Variants in RAD51C observed in about 807,000 individuals in gnomAD.
The protein encoded by RAD51C is DNA repair protein RAD51 homolog 3.
Under a neutral mutation model 45.0 loss-of-function variants are expected in RAD51C, and 42 were observed. The ratio of observed to expected loss-of-function variants is 0.93; its 90% CI spans 0.73 to 1.21. RAD51C has a LOEUF of 1.21. RAD51C is among the 50% of genes most tolerant of loss of function. RAD51C has a pLI of 0.00. For missense variants in RAD51C, 474 were observed against 452.2 expected (o/e 1.05, Z -0.44); for synonymous variants, 172 against 159.8 (o/e 1.08, Z -0.58).
At chr17:58,720,959 T>G in intron 6 of RAD51C, 147 bp downstream of exon 6, 1 of 680,824 alleles carries the variant, frequency 1.5e-6, no homozygotes, top group South Asian at 1.7e-5. Flanking sequence ...CACAGTACCG[T>G]TAGATACTGA....
chr17:58,718,688 G>C (rs534857756), intron 5 of RAD51C, among the ~76,000 whole-genome samples: 1 of 152,232 alleles, frequency 6.6e-6, no homozygotes, highest in South Asian at 2.1e-4. Flanking sequence ...TCATAATTTG[G>C]AGTCATTTGA....
intron 5 of RAD51C, among the ~76,000 whole-genome samples, chr17:58,718,249 C>T (rs569649906): frequency 1.1e-4 from 17 of 152,204 alleles, no homozygotes; most frequent in African/African-American, 3.9e-4. Context: ...CTACCTGCCT[C>T]GGCCTCCCAA....
chr17:58,692,916 A>G, intron 1 of RAD51C, 128 bp downstream of exon 1: 3 of 1,347,336 alleles, frequency 2.2e-6, no homozygotes, highest in Non-Finnish European at 3.1e-6. Flanking sequence ...CCATGTTTAC[A>G]GCGTGAAAGA....
At position 58,724,103 on chromosome 17, in the gene RAD51C, C is replaced by A; in HGVS notation, c.965+3C>A. 1 of 1,609,118 alleles carries A rather than the reference C, an allele frequency of 6.2e-7. No homozygotes were observed. The highest frequency in any genetic ancestry group is 1.1e-5 in the South Asian group (1 of 90,976). ...TTTCATTGGGACCGAAAGCAAAGGT[C>A]AGTACAGAAACAAGTTAATAACTCC... On this transcript the variant is annotated splice_donor_region_variant and intron_variant, in intron 7 of 8. Transcript: ENST00000337432.
intron 4 of RAD51C, among the ~76,000 whole-genome samples, chr17:58,704,138 C>T (rs62081316): frequency 0.18 from 28,027 of 151,666 alleles, 2,756 homozygotes; most frequent in Non-Finnish European, 0.21. Context: ...CTACCCAGTC[C>T]AGTCTTAGCA....
At chr17:58,733,078 C>G (rs1471467604) in intron 8 of RAD51C, among the ~76,000 whole-genome samples, 2 of 151,928 alleles carry the variant, frequency 1.3e-5, no homozygotes, top group Non-Finnish European at 2.9e-5. Flanking sequence ...TGCAGCGGTG[C>G]AATCTTGGCT....
intron 6 of RAD51C, among the ~76,000 whole-genome samples, chr17:58,723,218 A>G (rs2048983194): frequency 6.6e-6 from 1 of 151,996 alleles, no homozygotes; most frequent in African/African-American, 2.4e-5. Context: ...TACCTCACAA[A>G]TTATATCCAC....
At chr17:58,716,845 A>ACTGCAAGCTCTGCCTCC (rs2048756014) in intron 5 of RAD51C, among the ~76,000 whole-genome samples, 1 of 147,968 alleles carries the variant, frequency 6.8e-6, no homozygotes, top group Non-Finnish European at 1.5e-5. Flanking sequence ...ATCTTGGCTC[A>ACTGCAAGCTCTGCCTCC]CTGCAAGCTC....
intron 6 of RAD51C, among the ~76,000 whole-genome samples, chr17:58,723,073 A>C (rs2048977031): frequency 6.6e-6 from 1 of 152,152 alleles, no homozygotes; most frequent in South Asian, 2.1e-4. Flanking sequence ...TGCTGAGTTC[A>C]ACTGCCCTCT....
At chr17:58,722,560 C>T (rs1038298230) in intron 6 of RAD51C, among the ~76,000 whole-genome samples, 2 of 152,162 alleles carry the variant, frequency 1.3e-5, no homozygotes, top group African/African-American at 4.8e-5. Flanking sequence ...AGACTCCAAT[C>T]CCACCATTAG....
rs2048891385 is a variant in RAD51C, at chr17:58,720,776, A to T, written c.868A>T (p.Ile290Phe). ...TTTAACCAATCAGATGACAACAAAG[A>T]TTGATAGAAATCAGGCCTTGCTTGT... ...VILTNQMTTK[I>F]DRNQALLVPA... Residue 290 changes from isoleucine (I) to phenylalanine (F), a missense_variant, in exon 6 of 9, where the codon ATT becomes TTT. Ile to Phe is a conservative substitution (Grantham distance 21, BLOSUM62 0). Coordinates refer to ENST00000337432, the MANE Select transcript of RAD51C (RefSeq NM_058216.3). 1.2e-6 allele frequency: 2 copies of T among 1,612,724 alleles called. No homozygotes were observed. The highest frequency in any genetic ancestry group is 1.7e-6 in the Non-Finnish European group (2 of 1,179,158).
intron 3 of RAD51C, among the ~76,000 whole-genome samples, chr17:58,701,868 CTGTT>C (rs1454936164): frequency 6.6e-6 from 1 of 152,066 alleles, no homozygotes. Context: ...CAGCCTCAAA[CTGTT>C]TGTTTTAAAC....
intron 5 of RAD51C, among the ~76,000 whole-genome samples, chr17:58,716,107 A>G (rs1285991948): frequency 9.2e-6 from 1 of 108,916 alleles, no homozygotes; most frequent in Admixed American, 8.0e-5. Flanking sequence ...TCTGTCTCGA[A>G]AAAAAAAAAA....
intron 7 of RAD51C, among the ~76,000 whole-genome samples, chr17:58,729,214 G>T (rs937503653): frequency 2.0e-5 from 3 of 152,002 alleles, no homozygotes; most frequent in Non-Finnish European, 4.4e-5. Flanking sequence ...TGATTTTTTT[G>T]TTTTGTTTGG....
chr17:58,699,420 T>G (rs2048135074), intron 3 of RAD51C, among the ~76,000 whole-genome samples: 1 of 152,162 alleles, frequency 6.6e-6, no homozygotes, highest in Non-Finnish European at 1.5e-5. Context: ...TGAGTATATT[T>G]CCTTTAAATG....
At chr17:58,707,294 G>A (rs146634467) in intron 4 of RAD51C, among the ~76,000 whole-genome samples, 101 of 152,160 alleles carry the variant, frequency 6.6e-4, no homozygotes, top group Middle Eastern at 3.4e-3. Context: ...TGAGGTGGGC[G>A]GATTGCCTGA....
At chr17:58,731,803 T>C (rs1430155194) in intron 7 of RAD51C, among the ~76,000 whole-genome samples, 3 of 152,066 alleles carry the variant, frequency 2.0e-5, no homozygotes, top group African/African-American at 7.2e-5. Context: ...CCAGGATGGC[T>C]TCAAACTCCT....
Position 58,696,705 on chromosome 17 carries a change from A to G in RAD51C, c.417A>G (p.Ala139=), listed in dbSNP as rs863224436. 6.2e-7 allele frequency: 1 copy of G among 1,614,202 alleles called. No homozygotes were observed. The highest frequency in any genetic ancestry group is 8.5e-7 in the Non-Finnish European group (1 of 1,180,044). ...TTTCTGTTGACAGTATGCAGTTGGC[A>G]GTAGATGTGCAGATACCAGAATGTT... ...VGKTQLCMQL[A]VDVQIPECFG... The change falls in exon 3 of 9, where the codon GCA becomes GCG. Residue 139 remains alanine, a synonymous_variant. Coordinates refer to ENST00000337432, the MANE Select transcript of RAD51C (RefSeq NM_058216.3).
rs762230288 is a variant in RAD51C, at chr17:58,692,744, C to T, written c.101C>T (p.Thr34Ile). 2 of 1,614,266 alleles carry T rather than the reference C, an allele frequency of 1.2e-6. No individual in the cohort carries two copies. The highest frequency in any genetic ancestry group is 2.2e-5 in the South Asian group (2 of 91,090). The change falls in exon 1 of 9, where the codon ACT (threonine) becomes ATT (isoleucine). Residue 34 changes from threonine to isoleucine, a missense_variant. Physicochemically the swap from Thr to Ile is moderately conservative, Grantham distance 89. Transcript: ENST00000337432. ...AAGCTGGTGTCTGCGGGGTTCCAGACTGCTGAGGAACTCCTAGAGGTGAAA... is the reference window on the plus strand; with the variant it reads ...AAGCTGGTGTCTGCGGGGTTCCAGATTGCTGAGGAACTCCTAGAGGTGAAA... ...RVKLVSAGFQTAEELLEVKPS... is the reference protein window; with the variant it reads ...RVKLVSAGFQIAEELLEVKPS...
Sources: gnomAD v4.1 joint callset for allele counts (sites outside exome capture counted in the v4.1 genomes callset) on GRCh38, gnomAD v4.1.1 for gene constraint, MANE v1.5 for transcripts, NCBI Gene and HGNC (gene_info 2026-07-23, HGNC 2026-07-21) for gene names.